SCN9A: variants seen among roughly 807,000 people sequenced by gnomAD.
The protein encoded by SCN9A is sodium voltage-gated channel alpha subunit 9.
In SCN9A, 131 loss-of-function variants were observed where a neutral mutation model predicts 187.0. The observed-to-expected ratio is 0.70, with a 90% confidence interval of 0.61 to 0.81. The LOEUF (loss-of-function observed/expected upper bound fraction) is 0.81. Among genes scored for constraint, SCN9A ranks in the 30% least tolerant of loss-of-function variants. SCN9A has a pLI of 0.00. For missense variants in SCN9A, 2,252 were observed against 2,396.6 expected, an observed-to-expected ratio of 0.94 and a Z score of 1.26; for synonymous variants, 809 against 808.6, an observed-to-expected ratio of 1.00 and a Z score of -0.01.
At chr2:166,330,830 C>T (rs994701756) in intron 1 of SCN9A, among the ~76,000 whole-genome samples, 1 of 152,110 alleles carries the variant, frequency 6.6e-6, no homozygotes, top group African/African-American at 2.4e-5. Flanking sequence ...GTAATGTTCA[C>T]TGGGCTGCTG....
intron 10 of SCN9A, among the ~76,000 whole-genome samples, chr2:166,288,093 TTA>T (rs72083111): frequency 0.089 from 12,008 of 134,786 alleles, 580 homozygotes; most frequent in South Asian, 0.16. Flanking sequence ...TTCCATGTGT[TTA>T]TATATATATA....
At chr2:166,233,281 T>C in intron 21 of SCN9A, 59 bp downstream of exon 21, 1 of 1,265,164 alleles carries the variant, frequency 7.9e-7, no homozygotes, top group Non-Finnish European at 1.1e-6. Flanking sequence ...TACCCATTGT[T>C]TTTATATTTT....
At chr2:166,311,477 A>C in intron 2 of SCN9A, 22 bp downstream of exon 2, 1 of 1,497,980 alleles carries the variant, frequency 6.7e-7, no homozygotes, top group Non-Finnish European at 8.9e-7. Context: ...GAAACTGACC[A>C]CTGAAGTCAA....
chr2:166,229,027 C>A, intron 21 of SCN9A, 55 bp from the exon 22 acceptor site: 1 of 1,390,246 alleles, frequency 7.2e-7, no homozygotes, highest in Non-Finnish European at 1.0e-6. Context: ...GTTAAATAGG[C>A]AACATGAAAG....
rs1288913720 is a variant in SCN9A, at chr2:166,204,218, A to T, written c.4511T>A (p.Ile1504Asn). 2 of 1,608,922 alleles carry T rather than the reference A, an allele frequency of 1.2e-6. No homozygotes were observed. Among genetic ancestry groups the T allele is most frequent in the Non-Finnish European group, 1.7e-6 (2 of 1,177,414 alleles). Residue 1504 changes from isoleucine to asparagine, a missense_variant, in exon 26 of 27, where the codon ATC (isoleucine) becomes AAC (asparagine). By Grantham distance (149) the Ile-to-Asn change is moderately radical (BLOSUM62 -3). This residue lies in a region of SCN9A where 368 missense variants were observed against 408.6 expected (regional missense o/e 0.90). Transcript: ENST00000642356. ...CACTAGGTCAAATATACATCCTTGG[A>T]TTTTGTTCTGCAAAGAAATAAGAAT... Reference protein sequence around the residue: ...QKPIPRPGNKIQGCIFDLVTN... With the variant: ...QKPIPRPGNKNQGCIFDLVTN...
rs186393691 is a variant in SCN9A at position 166,202,827 on chromosome 2, C to G, written c.4774+1128G>C. Among the ~76,000 whole-genome samples the G allele has an allele frequency of 5.9e-3, 893 of 151,666 alleles. 5 individuals carry two copies. The highest frequency in any genetic ancestry group is 0.014 in the Admixed American group (218 of 15,238). The stretch of plus-strand genomic sequence containing the variant: ...ATTTAAAATTTGTACCTTTTGAACT[C>G]TAATTGAATTTATTTTTAGTTGATT... On this transcript the variant is annotated intron_variant, in intron 26 of 26. Transcript: ENST00000642356.
chr2:166,285,055 A>G (rs1697676645), intron 11 of SCN9A, among the ~76,000 whole-genome samples: 1 of 152,214 alleles, frequency 6.6e-6, no homozygotes, highest in African/African-American at 2.4e-5. Context: ...TTGTTGCTAT[A>G]CAGCTCTCTA....
Position 166,207,737 on chromosome 2 carries a change from G to A in SCN9A, c.4399-3273C>T, listed in dbSNP as rs193185175. 7.1e-3 allele frequency among the ~76,000 whole-genome samples: 1,087 copies of A among 152,168 alleles called. 9 individuals carry two copies. The highest frequency in any genetic ancestry group is 0.011 in the Admixed American group (175 of 15,272). ...ATTACAGGCGTGAGCCACCATATCC[G>A]GCCACCTTAGAGTGTTTTAATTCAG... On this transcript the variant is annotated intron_variant, in intron 24 of 26. Coordinates refer to ENST00000642356, the MANE Select transcript of SCN9A (RefSeq NM_001365536.1).
chr2:166,309,250 C>T (rs554501599), intron 2 of SCN9A, among the ~76,000 whole-genome samples: 77 of 152,010 alleles, frequency 5.1e-4, no homozygotes, highest in Non-Finnish European at 5.6e-4. Flanking sequence ...ATCAAGTTAC[C>T]TTATACTTGA....
intron 1 of SCN9A, chr2:166,321,343 C>T (rs888449227): frequency 5.3e-5 from 8 of 151,986 alleles, no homozygotes; most frequent in Admixed American, 3.9e-4. Context: ...AACACAGTGA[C>T]ACCCTGTCTC....
intron 19 of SCN9A, among the ~76,000 whole-genome samples, chr2:166,239,430 T>G (rs1022752056): frequency 6.6e-6 from 1 of 152,174 alleles, no homozygotes; most frequent in Non-Finnish European, 1.5e-5. Flanking sequence ...AGATTCTTCT[T>G]ATTCTACGTT....
intron 24 of SCN9A, among the ~76,000 whole-genome samples, chr2:166,219,390 C>A (rs1484760173): frequency 3.3e-5 from 5 of 149,528 alleles, no homozygotes; most frequent in Non-Finnish European, 6.0e-5. Flanking sequence ...TGCAGCCATT[C>A]AAAAAAAAAC....
rs199789932 is a variant in SCN9A at position 166,196,635 on chromosome 2, T to C, written c.*2037A>G. On this transcript the variant is annotated 3_prime_UTR_variant, in exon 27 of 27. Transcript: ENST00000642356. ...ATTTAAGGTGATGTTAAATTCTTAATTGAATGTATTTAAAAATCTGATAAA... is the reference window on the plus strand; with the variant it reads ...ATTTAAGGTGATGTTAAATTCTTAACTGAATGTATTTAAAAATCTGATAAA... 1 of 152,286 alleles carries C rather than the reference T, an allele frequency of 6.6e-6. No individual in the cohort carries two copies. Among genetic ancestry groups the C allele is most frequent in the Non-Finnish European group, 1.5e-5 (1 of 67,986 alleles). 9.4% of individuals were successfully genotyped at this position (152,286 alleles called of 1,614,324 possible). A position where few individuals can be genotyped will look rare whatever the true frequency, so the allele number is the denominator to read the frequency against.
At chr2:166,300,062 A>T (rs1048859411) in intron 7 of SCN9A, among the ~76,000 whole-genome samples, 1 of 150,876 alleles carries the variant, frequency 6.6e-6, no homozygotes, top group Non-Finnish European at 1.5e-5. Context: ...AGATGAGAGA[A>T]GCAACCTTCA....
chr2:166,315,764 C>T (rs1212155724), intron 1 of SCN9A, among the ~76,000 whole-genome samples: 1 of 152,138 alleles, frequency 6.6e-6, no homozygotes, highest in South Asian at 2.1e-4. Flanking sequence ...AAAAATGGAG[C>T]CTCACACTTC....
intron 1 of SCN9A, among the ~76,000 whole-genome samples, chr2:166,340,471 CTT>C (rs909621802): frequency 6.6e-6 from 1 of 151,498 alleles, no homozygotes; most frequent in Non-Finnish European, 1.5e-5. Context: ...ACAACGTTTT[CTT>C]TCTTTCTCTT....
intron 1 of SCN9A, among the ~76,000 whole-genome samples, chr2:166,372,709 T>C (rs1223793775): frequency 1.3e-5 from 2 of 152,168 alleles, no homozygotes; most frequent in Non-Finnish European, 2.9e-5. Flanking sequence ...TACTAAATGC[T>C]TGACAAATAA....
intron 1 of SCN9A, among the ~76,000 whole-genome samples, chr2:166,373,797 C>T (rs1700620474): frequency 6.6e-6 from 1 of 151,986 alleles, no homozygotes; most frequent in Non-Finnish European, 1.5e-5. Context: ...AAGATCATGA[C>T]TTGTCTTAGA....
intron 18 of SCN9A, among the ~76,000 whole-genome samples, chr2:166,245,725 T>A (rs1024008711): frequency 6.6e-6 from 1 of 152,006 alleles, no homozygotes; most frequent in Non-Finnish European, 1.5e-5. Context: ...ACTTTTTTGA[T>A]ACCTGTTTCA....
Sources: allele counts gnomAD v4.1 joint callset (sites outside exome capture counted in the v4.1 genomes callset), GRCh38; gene constraint gnomAD v4.1.1; regional missense constraint gnomAD v4.1.1; transcripts MANE v1.5; gene names NCBI Gene and HGNC (gene_info 2026-07-23, HGNC 2026-07-21).